The following MYO7A variants were observed in gnomAD, a reference collection of about 807,000 sequenced individuals.
MYO7A encodes unconventional myosin-VIIa.
MYO7A carries 210 observed loss-of-function variants against 263.8 expected under a neutral mutation model. The observed-to-expected ratio is 0.80, with a 90% confidence interval of 0.71 to 0.89. The LOEUF (loss-of-function observed/expected upper bound fraction) is 0.89. Among genes scored for constraint, MYO7A ranks in the 40% least tolerant of loss-of-function variants. MYO7A has a pLI of 0.00. For missense variants in MYO7A, 2,820 were observed against 2,968.3 expected (o/e 0.95, Z 1.16); for synonymous variants, 1,239 against 1,197.3 (o/e 1.03, Z -0.72).
chr11:77,177,849 C>T (rs1225822585), intron 19 of MYO7A, among the ~76,000 whole-genome samples: 5 of 152,094 alleles, frequency 3.3e-5, no homozygotes, highest in African/African-American at 1.2e-4. Flanking sequence ...CATTGTGCCA[C>T]GTAAGCCAAA....
At chr11:77,157,213 G>C in intron 7 of MYO7A, 66 bp from the exon 8 acceptor site, 1 of 1,404,056 alleles carries the variant, frequency 7.1e-7, no homozygotes, top group Non-Finnish European at 9.9e-7. Flanking sequence ...ATCATCCCAG[G>C]CTAGTTCCTG....
intron 47 of MYO7A, 132 bp downstream of exon 47, chr11:77,213,167 A>G: frequency 1.4e-6 from 1 of 722,206 alleles, no homozygotes; most frequent in South Asian, 2.0e-5. Context: ...ACGTGGCTTC[A>G]AAAGCTGTCA....
chr11:77,198,542 G>C lies in MYO7A; in HGVS notation c.4489G>C (p.Gly1497Arg), dbSNP rs751769391. 1.2e-6 allele frequency: 2 copies of C among 1,613,950 alleles called. No homozygotes were observed. The highest frequency in any genetic ancestry group is 1.7e-6 in the Non-Finnish European group (2 of 1,179,904). ...CGTCATCGTGGCCGTCAACTGGACGGGTGTGTACTTTGTGGATGAGCAGGA... is the reference window on the plus strand; with the variant it reads ...CGTCATCGTGGCCGTCAACTGGACGCGTGTGTACTTTGTGGATGAGCAGGA... Reference protein sequence around the residue: ...NDVIVAVNWTGVYFVDEQEQV... With the variant: ...NDVIVAVNWTRVYFVDEQEQV... Residue 1497 changes from glycine to arginine, a missense_variant, in exon 34 of 49, where the codon GGT becomes CGT. Coordinates refer to ENST00000409709, the MANE Select transcript of MYO7A (RefSeq NM_000260.4).
intron 34 of MYO7A, 73 bp from the exon 35 acceptor site, chr11:77,199,462 G>T: frequency 7.1e-7 from 1 of 1,406,020 alleles, no homozygotes. Context: ...CTTAGCCTGA[G>T]ATGTGTCTGA....
intron 18 of MYO7A, among the ~76,000 whole-genome samples, chr11:77,176,909 G>A (rs1300832576): frequency 6.6e-6 from 1 of 152,182 alleles, no homozygotes; most frequent in Non-Finnish European, 1.5e-5. Flanking sequence ...AACCAATGAA[G>A]TTTTGTCCAA....
intron 2 of MYO7A, among the ~76,000 whole-genome samples, chr11:77,141,127 T>C (rs1441143416): frequency 2.0e-5 from 3 of 152,216 alleles, no homozygotes; most frequent in Non-Finnish European, 2.9e-5. Flanking sequence ...AGCCTAGGTG[T>C]GTAGTGGGCT....
chr11:77,162,758 C>T (rs148067835), intron 13 of MYO7A, 95 bp from the exon 14 acceptor site: 1 of 1,500,216 alleles, frequency 6.7e-7, no homozygotes, highest in African/African-American at 1.4e-5. Flanking sequence ...AGGGGAAGCT[C>T]CTGAAGAAGA....
intron 2 of MYO7A, among the ~76,000 whole-genome samples, chr11:77,132,061 T>G (rs750252608): frequency 6.6e-6 from 1 of 152,032 alleles, no homozygotes; most frequent in Non-Finnish European, 1.5e-5. Context: ...AAATGCTTCT[T>G]CCTTCCTCTG....
At chr11:77,202,566 C>G in intron 37 of MYO7A, 142 bp downstream of exon 37, 1 of 1,155,874 alleles carries the variant, frequency 8.7e-7, no homozygotes. Flanking sequence ...AGGGCTGTTT[C>G]TGTCTGCCAG....
At chr11:77,136,493 C>A (rs1950908153) in intron 2 of MYO7A, among the ~76,000 whole-genome samples, 1 of 152,206 alleles carries the variant, frequency 6.6e-6, no homozygotes, top group Non-Finnish European at 1.5e-5. Context: ...TCTTCCCTCT[C>A]TCCTCTGATT....
At chr11:77,161,682 G>A (rs575311487) in intron 12 of MYO7A, among the ~76,000 whole-genome samples, 101 of 152,298 alleles carry the variant, frequency 6.6e-4, no homozygotes, top group African/African-American at 2.1e-3. Context: ...GGCCATGTCT[G>A]CAGCCAGGGC....
chr11:77,177,732 C>A, intron 19 of MYO7A, 89 bp downstream of exon 19: 7 of 1,091,368 alleles, frequency 6.4e-6, no homozygotes, highest in African/African-American at 4.7e-5. Flanking sequence ...CCCGCATGAA[C>A]ACTAGGAAAA....
At chr11:77,209,700 C>T (rs1957734287) in intron 44 of MYO7A, among the ~76,000 whole-genome samples, 1 of 152,222 alleles carries the variant, frequency 6.6e-6, no homozygotes, top group Non-Finnish European at 1.5e-5. Context: ...ACCACCTTCC[C>T]AACCTGGGTC....
At chr11:77,132,489 T>TTG (rs535203704) in intron 2 of MYO7A, among the ~76,000 whole-genome samples, 1 of 151,938 alleles carries the variant, frequency 6.6e-6, no homozygotes, top group African/African-American at 2.4e-5. Flanking sequence ...GTTTGTTTGT[T>TTG]TGTGTGTGTG....
rs146906077 is a variant in MYO7A, at chr11:77,185,352, C to T, written c.3503+637C>T. Among the ~76,000 whole-genome samples the T allele has an allele frequency of 3.9e-5, 6 of 152,308 alleles. No homozygotes were observed. In the East Asian group the frequency reaches 9.6e-4, roughly 24 times the overall value. ...AAAATTGGAGTCGATCCTCTCAAAC[C>T]CTGCTGCTGCTTTATCAATTAAGTT... On this transcript the variant is annotated intron_variant, in intron 27 of 48. Coordinates refer to ENST00000409709, the MANE Select transcript of MYO7A (RefSeq NM_000260.4).
Position 77,153,509 on chromosome 11 carries a change from C to A in MYO7A, c.286-2398C>A, listed in dbSNP as rs541452692. On this transcript the variant is annotated intron_variant, in intron 4 of 48. Coordinates refer to ENST00000409709, the MANE Select transcript of MYO7A (RefSeq NM_000260.4). ...GGGTGGGAGAAAGCCTGGCCCCAGCCCTGGGCCAGCTTCTCACAGCGTCTC... is the reference window on the plus strand; with the variant it reads ...GGGTGGGAGAAAGCCTGGCCCCAGCACTGGGCCAGCTTCTCACAGCGTCTC... Among the ~76,000 whole-genome samples the A allele has an allele frequency of 3.9e-5, 6 of 152,232 alleles. No individual in the cohort carries two copies. In the East Asian group the frequency reaches 1.2e-3, roughly 29 times the overall value.
intron 27 of MYO7A, among the ~76,000 whole-genome samples, chr11:77,185,422 C>T (rs930647692): frequency 6.6e-6 from 1 of 152,232 alleles, no homozygotes; most frequent in Non-Finnish European, 1.5e-5. Context: ...ACAATGTTCA[C>T]AGCATCTTCA....
At chr11:77,148,055 CCT>C in intron 4 of MYO7A, 105 bp downstream of exon 4, 8 of 1,081,626 alleles carry the variant, frequency 7.4e-6, no homozygotes, top group Non-Finnish European at 1.0e-5. Flanking sequence ...CTGCCGGGGC[CCT>C]GCCTCCTGAG....
chr11:77,174,982 T>C, intron 17 of MYO7A, 68 bp downstream of exon 17: 4 of 1,581,074 alleles, frequency 2.5e-6, no homozygotes, highest in Non-Finnish European at 3.5e-6. Context: ...GGGTCCCAAT[T>C]TTCTTATCAG....
Sources: allele counts gnomAD v4.1 joint callset (sites outside exome capture counted in the v4.1 genomes callset), GRCh38; gene constraint gnomAD v4.1.1; transcripts MANE v1.5; gene names NCBI Gene and HGNC (gene_info 2026-07-23, HGNC 2026-07-21).